XPR1: variants seen among roughly 807,000 people sequenced by gnomAD.
The protein encoded by XPR1 is xenotropic and polytropic retrovirus receptor 1.
Under a neutral mutation model 87.5 loss-of-function variants are expected in XPR1, and 28 were observed. The ratio of observed to expected loss-of-function variants is 0.32; its 90% CI spans 0.24 to 0.44. The LOEUF (loss-of-function observed/expected upper bound fraction) is 0.44. XPR1 is among the 20% of genes least tolerant of loss of function. The pLI is 1.00. For missense variants in XPR1, 559 were observed against 862.3 expected, an observed-to-expected ratio of 0.65 and a Z score of 4.41; for synonymous variants, 300 against 306.1, an observed-to-expected ratio of 0.98 and a Z score of 0.21.
At position 180,701,846 on chromosome 1, in the gene XPR1, G is replaced by A. The variant is rs553596446; in HGVS notation, c.121+19435G>A. On this transcript the variant is annotated intron_variant, in intron 2 of 14. Coordinates refer to ENST00000367590, the MANE Select transcript of XPR1 (RefSeq NM_004736.4). Reference sequence around the variant, plus strand: ...CTCTCTTTTTTTCTTTATTAGTCTTGCTAGCGGTCTATCAATTTTGTTGAT... The same window carrying A: ...CTCTCTTTTTTTCTTTATTAGTCTTACTAGCGGTCTATCAATTTTGTTGAT... Among the ~76,000 whole-genome samples the A allele has an allele frequency of 1.5e-4, 20 of 136,872 alleles. 3 individuals are homozygous for A. Among genetic ancestry groups the A allele is most frequent in the African/African-American group, 5.9e-4 (19 of 32,162 alleles). The allele number at this position is 136,872 out of a possible 152,430, so 89.8% of individuals were successfully genotyped here.
chr1:180,677,205 C>T (rs1485094040), intron 1 of XPR1, among the ~76,000 whole-genome samples: 1 of 152,272 alleles, frequency 6.6e-6, no homozygotes, highest in East Asian at 1.9e-4. Context: ...TGTAACTGTC[C>T]AACTGGTTCT....
At chr1:180,657,353 G>C (rs1655568020) in intron 1 of XPR1, among the ~76,000 whole-genome samples, 1 of 152,124 alleles carries the variant, frequency 6.6e-6, no homozygotes, top group African/African-American at 2.4e-5. Context: ...GGGTATTCAA[G>C]AAATCTTAGC....
chr1:180,653,506 T>C (rs2101906459), intron 1 of XPR1, among the ~76,000 whole-genome samples: 1 of 152,162 alleles, frequency 6.6e-6, no homozygotes, highest in East Asian at 1.9e-4. Context: ...ACTTGGCAAT[T>C]ATTGGGCAAG....
intron 2 of XPR1, among the ~76,000 whole-genome samples, chr1:180,756,469 A>T (rs1201705713): frequency 3.3e-5 from 5 of 152,110 alleles, no homozygotes. Flanking sequence ...TCCTCTGCCC[A>T]TTTTAAAATT....
chr1:180,771,497 T>C (rs1239494128), intron 2 of XPR1, among the ~76,000 whole-genome samples: 1 of 152,178 alleles, frequency 6.6e-6, no homozygotes, highest in Non-Finnish European at 1.5e-5. Flanking sequence ...CTGACTCAAC[T>C]ACAGACCTTA....
At chr1:180,766,204 C>T (rs1357185290) in intron 2 of XPR1, among the ~76,000 whole-genome samples, 1 of 151,976 alleles carries the variant, frequency 6.6e-6, no homozygotes, top group Non-Finnish European at 1.5e-5. Context: ...GCTATGAGAC[C>T]AATGAGGCAA....
At chr1:180,801,870 C>G (rs1029004328) in intron 3 of XPR1, among the ~76,000 whole-genome samples, 1 of 151,024 alleles carries the variant, frequency 6.6e-6, no homozygotes, top group African/African-American at 2.4e-5. Flanking sequence ...AGCCTCTGCT[C>G]ACTGCAACCT....
At chr1:180,803,706 C>G (rs568100808) in intron 4 of XPR1, 95 bp downstream of exon 4, 112 of 1,049,262 alleles carry the variant, frequency 1.1e-4, no homozygotes, top group Middle Eastern at 3.1e-4. Context: ...TGGGTCAGTT[C>G]CAAAAAGGAA....
chr1:180,653,564 C>A (rs959863560), intron 1 of XPR1, among the ~76,000 whole-genome samples: 8 of 152,208 alleles, frequency 5.3e-5, no homozygotes, highest in East Asian at 1.9e-4. Context: ...CCAGGACCCC[C>A]AGTGGATGCC....
intron 1 of XPR1, among the ~76,000 whole-genome samples, chr1:180,659,071 TCTTCCTTC>T (rs1195804590): frequency 1.3e-5 from 2 of 151,560 alleles, no homozygotes; most frequent in Non-Finnish European, 2.9e-5. Flanking sequence ...CTGTAGCCAG[TCTTCCTTC>T]CTTCCTTCCT....
intron 1 of XPR1, among the ~76,000 whole-genome samples, chr1:180,638,982 A>G (rs1475557860): frequency 2.0e-5 from 3 of 152,154 alleles, no homozygotes; most frequent in Admixed American, 1.3e-4. Context: ...TGTGGTATGT[A>G]TAGGGACTGA....
intron 6 of XPR1, among the ~76,000 whole-genome samples, chr1:180,811,095 T>C (rs1650194690): frequency 1.3e-5 from 2 of 152,152 alleles, no homozygotes; most frequent in Non-Finnish European, 2.9e-5. Flanking sequence ...TGGTTTTTGT[T>C]CCTGAATATT....
intron 2 of XPR1, among the ~76,000 whole-genome samples, chr1:180,717,117 C>T (rs972417085): frequency 6.6e-6 from 1 of 152,144 alleles, no homozygotes; most frequent in Non-Finnish European, 1.5e-5. Flanking sequence ...CTCAGCCTCC[C>T]GAGTAGCTGG....
intron 1 of XPR1, among the ~76,000 whole-genome samples, chr1:180,671,657 T>C (rs1003381176): frequency 1.6e-4 from 24 of 152,108 alleles, no homozygotes; most frequent in African/African-American, 5.8e-4. Context: ...TGGGATTACA[T>C]GTGTCAACTA....
chr1:180,727,575 C>T (rs1436484991), intron 2 of XPR1, among the ~76,000 whole-genome samples: 1 of 152,052 alleles, frequency 6.6e-6, no homozygotes, highest in Non-Finnish European at 1.5e-5. Context: ...ACCCAGGAGG[C>T]AGAGGTTGCA....
intron 2 of XPR1, among the ~76,000 whole-genome samples, chr1:180,737,191 T>G (rs1399068154): frequency 6.6e-6 from 1 of 152,124 alleles, no homozygotes; most frequent in East Asian, 1.9e-4. Flanking sequence ...GGTCAAACAC[T>G]AGTCATCATG....
chr1:180,647,155 A>G (rs1246376109), intron 1 of XPR1, among the ~76,000 whole-genome samples: 2 of 152,204 alleles, frequency 1.3e-5, no homozygotes, highest in Non-Finnish European at 2.9e-5. Flanking sequence ...ACCCTCCTAT[A>G]AGACTCTAAT....
intron 11 of XPR1, among the ~76,000 whole-genome samples, chr1:180,855,679 TGGG>T (rs1652005043): frequency 7.1e-6 from 1 of 140,926 alleles, no homozygotes; most frequent in African/African-American, 2.6e-5. Flanking sequence ...AAAAAAAAAG[TGGG>T]GGGAGGGGGG....
chr1:180,684,295 C>A (rs976421956), intron 2 of XPR1, among the ~76,000 whole-genome samples: 1 of 152,184 alleles, frequency 6.6e-6, no homozygotes, highest in Non-Finnish European at 1.5e-5. Context: ...GGCATTATTT[C>A]TGAGGGCTCT....
Sources: gnomAD v4.1 joint callset for allele counts (sites outside exome capture counted in the v4.1 genomes callset) on GRCh38, gnomAD v4.1.1 for gene constraint, MANE v1.5 for transcripts, NCBI Gene and HGNC (gene_info 2026-07-23, HGNC 2026-07-21) for gene names.